Variants in LEMD2 observed in about 807,000 individuals in gnomAD.
LEMD2 encodes LEM domain nuclear envelope protein 2, also known as LEM domain-containing protein 2.
A neutral mutation model predicts 58.8 loss-of-function variants in LEMD2; 34 were observed. The ratio of observed to expected loss-of-function variants is 0.58; its 90% CI spans 0.44 to 0.77. LEMD2 has a LOEUF of 0.77. LEMD2 is among the 30% of genes least tolerant of loss of function. The probability of loss-of-function intolerance (pLI) is 0.00; values close to 1 mark genes in which losing one functional copy is unlikely to be tolerated. For synonymous variants in LEMD2, 298 were observed against 308.9 expected (o/e 0.96, Z 0.37); for missense variants, 629 against 717.9 (o/e 0.88, Z 1.42).
At chr6:33,773,054 G>A (rs771871858) in intron 8 of LEMD2, among the ~76,000 whole-genome samples, 20 of 152,222 alleles carry the variant, frequency 1.3e-4, no homozygotes, top group South Asian at 4.1e-4. Context: ...GGTGTGCAGG[G>A]CTGTGCTAGG....
chr6:33,788,819 T>G lies in LEMD2; in HGVS notation c.298A>C (p.Thr100Pro), dbSNP rs1404928806. ...CGGATATCACCGTAGGCCCCAGGGGTCGCGTAGGCCGAGCCCGAGGCCGGC... is the reference window on the plus strand; with the variant it reads ...CGGATATCACCGTAGGCCCCAGGGGGCGCGTAGGCCGAGCCCGAGGCCGGC... Reference protein sequence around the residue: ...SQPASGSAYATPGAYGDIRPS... With the variant: ...SQPASGSAYAPPGAYGDIRPS... The change falls in exon 1 of 9, where the codon ACC becomes CCC. Residue 100 changes from threonine to proline, a missense_variant. Coordinates refer to ENST00000293760, the MANE Select transcript of LEMD2 (RefSeq NM_181336.4). 1 of 1,434,916 alleles carries G rather than the reference T, an allele frequency of 7.0e-7. No homozygotes were observed. Among genetic ancestry groups the G allele is most frequent in the Non-Finnish European group, 9.1e-7 (1 of 1,095,654 alleles). 88.9% of individuals were successfully genotyped at this position (1,434,916 alleles called of 1,614,324 possible).
chr6:33,787,954 C>T (rs1330115312), intron 1 of LEMD2, among the ~76,000 whole-genome samples: 1 of 152,210 alleles, frequency 6.6e-6, no homozygotes, highest in Non-Finnish European at 1.5e-5. Flanking sequence ...CAACCAGATC[C>T]TATCTGTGGG....
chr6:33,780,046 C>T lies in LEMD2; in HGVS notation c.1010+54G>A, dbSNP rs190883853. On this transcript the variant is annotated intron_variant, in intron 5 of 8. Coordinates refer to ENST00000293760, the MANE Select transcript of LEMD2 (RefSeq NM_181336.4). ...TGGAGCACGGGTGTTAGCTGACGAG[C>T]GAGGACAGTGGTTGCAGGCACCCAT... 2.9e-5 allele frequency: 41 copies of T among 1,436,958 alleles called. No homozygotes were observed. The East Asian group carries it at 7.9e-4, about 28-fold the overall frequency. The allele number at this position is 1,436,958 out of a possible 1,614,324, so 89.0% of individuals were successfully genotyped here.
intron 1 of LEMD2, chr6:33,787,139 A>C: frequency 3.9e-6 from 1 of 255,098 alleles, no homozygotes; most frequent in Non-Finnish European, 7.6e-6. Context: ...GGAGTTTTGT[A>C]AACAATGATA....
chr6:33,775,368 T>G (rs1767404962), intron 8 of LEMD2, among the ~76,000 whole-genome samples: 2 of 152,200 alleles, frequency 1.3e-5, no homozygotes, highest in African/African-American at 4.8e-5. Flanking sequence ...TCCAGGCTGA[T>G]GTGCAGTGGC....
At chr6:33,774,035 G>A (rs1229867913) in intron 8 of LEMD2, among the ~76,000 whole-genome samples, 1 of 152,208 alleles carries the variant, frequency 6.6e-6, no homozygotes, top group Non-Finnish European at 1.5e-5. Flanking sequence ...CGAAGGCTTG[G>A]GTGGTAGCTC....
chr6:33,781,750 G>A (rs1023393500), intron 3 of LEMD2: 3 of 152,542 alleles, frequency 2.0e-5, no homozygotes, highest in African/African-American at 7.2e-5. Context: ...TCCAGCCCAG[G>A]GGCCATCTCC....
At chr6:33,786,647 C>T in intron 2 of LEMD2, 87 bp downstream of exon 2, 1 of 996,802 alleles carries the variant, frequency 1.0e-6, no homozygotes, top group South Asian at 1.4e-5. Flanking sequence ...TGAAAATGAT[C>T]CTATTCTTTT....
At chr6:33,780,994 A>C (rs923052017) in intron 4 of LEMD2, 83 bp downstream of exon 4, 1 of 954,378 alleles carries the variant, frequency 1.0e-6, no homozygotes, top group Non-Finnish European at 1.6e-6. Context: ...CAAACAAAAA[A>C]CAAAAACCCC....
intron 1 of LEMD2, 44 bp downstream of exon 1, chr6:33,788,337 A>C (rs1767731665): frequency 6.7e-7 from 1 of 1,503,080 alleles, no homozygotes; most frequent in African/African-American, 1.4e-5. Context: ...TCCGGCGGAC[A>C]CACGCGCGCC....
intron 8 of LEMD2, 182 bp downstream of exon 8, chr6:33,776,772 C>A (rs887118151): frequency 1.6e-6 from 1 of 621,548 alleles, no homozygotes; most frequent in African/African-American, 1.8e-5. Context: ...TCTAGCTCAT[C>A]CTGCCATAAA....
Position 33,786,756 on chromosome 6 carries a change from T to C in LEMD2, c.755A>G (p.Asp252Gly), listed in dbSNP as rs751172970. ...CACCTCATCTGTTTTTCTCTCACAG[T>C]CCACTGGCAATAACTTCACTGAGAC... ...AEDNMKLLPV[D>G]CERKTDEFCQ... The change falls in exon 2 of 9, where the codon GAC (aspartate) becomes GGC (glycine). Residue 252 changes from aspartate to glycine, a missense_variant. Physicochemically the swap from Asp to Gly is moderately conservative, Grantham distance 94. Around this residue, in one of 2 missense-constraint regions of LEMD2, gnomAD observed 243 missense variants for 336.8 expected, o/e 0.72. Coordinates refer to ENST00000293760, the MANE Select transcript of LEMD2 (RefSeq NM_181336.4). 3 of 1,613,818 alleles carry C rather than the reference T, an allele frequency of 1.9e-6. No homozygotes were observed. Among genetic ancestry groups the C allele is most frequent in the Non-Finnish European group, 2.5e-6 (3 of 1,179,868 alleles).
intron 4 of LEMD2, 96 bp downstream of exon 4, chr6:33,780,981 A>G: frequency 5.0e-6 from 4 of 799,214 alleles, no homozygotes; most frequent in Non-Finnish European, 8.2e-6. Context: ...AAAAGCCACA[A>G]AGCAAACAAA....
chr6:33,778,502 C>G lies in LEMD2; in HGVS notation c.1011-115G>C. ...AGTGGGGACGCAAGGCCTCTACTTG[C>G]TTATAGAATAGGCTTGGTATCCTGG... On this transcript the variant is annotated intron_variant, in intron 5 of 8. Transcript: ENST00000293760. This position sits in a 1 kb window ranked among gnomAD's most constrained non-coding sequence, Gnocchi z 4.7. 1.3e-6 allele frequency: 1 copy of G among 759,108 alleles called. No individual in the cohort carries two copies. 47.0% of individuals were successfully genotyped at this position (759,108 alleles called of 1,614,324 possible).
At chr6:33,784,040 C>A (rs1453933337) in intron 3 of LEMD2, among the ~76,000 whole-genome samples, 1 of 152,274 alleles carries the variant, frequency 6.6e-6, no homozygotes, top group Admixed American at 6.5e-5. Context: ...CCCATGCCAA[C>A]AGAGACCCCC....
Position 33,788,880 on chromosome 6 carries a change from G to C in LEMD2, c.237C>G (p.Ala79=). ...REDAPLRARP[A]AASPRAEPWL... ...AGGGCTCCGCCCGCGGAGAGGCCGC[G>C]GCGGGCCGGGCGCGCAGCGGCGCAT... The change falls in exon 1 of 9, where the codon GCC becomes GCG. Residue 79 remains alanine, a synonymous_variant. Coordinates refer to ENST00000293760, the MANE Select transcript of LEMD2 (RefSeq NM_181336.4). 7.3e-7 allele frequency: 1 copy of C among 1,374,902 alleles called. No individual in the cohort carries two copies. The highest frequency in any genetic ancestry group is 9.3e-7 in the Non-Finnish European group (1 of 1,072,998). The allele number at this position is 1,374,902 out of a possible 1,614,324, so 85.2% of individuals were successfully genotyped here. A position where few individuals can be genotyped will look rare whatever the true frequency, so the allele number is the denominator to read the frequency against.
At chr6:33,776,764 T>C in intron 8 of LEMD2, 190 bp downstream of exon 8, 1 of 616,404 alleles carries the variant, frequency 1.6e-6, no homozygotes, top group South Asian at 1.8e-5. Flanking sequence ...ATGTCTTTTC[T>C]AGCTCATCCT....
rs927744401 is a variant in LEMD2, at chr6:33,788,540, C to G, written c.577G>C (p.Ala193Pro). Residue 193 changes from alanine (A) to proline (P), a missense_variant, in exon 1 of 9, where the codon GCT (alanine) becomes CCT (proline). Transcript: ENST00000293760. ...TCAGGCCGGGCCCTCGCCGCGCCAG[C>G]AGGGCCCGCTCGAGTCGCCCGCAGG... ...PGLRATRAGP[A>P]GAARARPEVG... is the part of the protein sequence containing the mutation. 2 of 1,490,822 alleles carry G rather than the reference C, an allele frequency of 1.3e-6. No individual in the cohort carries two copies. Among genetic ancestry groups the G allele is most frequent in the Non-Finnish European group, 1.8e-6 (2 of 1,121,206 alleles). The allele number at this position is 1,490,822 out of a possible 1,614,324, so 92.3% of individuals were successfully genotyped here.
chr6:33,788,163 AAGGAGAAC>A (rs1229025563), intron 1 of LEMD2, among the ~76,000 whole-genome samples: 3 of 152,252 alleles, frequency 2.0e-5, no homozygotes, highest in Non-Finnish European at 4.4e-5. Flanking sequence ...TGGGGCAGAA[AAGGAGAAC>A]AGGAGAAAGT....
Sources: gnomAD v4.1 joint callset for allele counts (sites outside exome capture counted in the v4.1 genomes callset) on GRCh38, gnomAD v4.1.1 for gene constraint, gnomAD v4.1.1 regional missense constraint, Gnocchi (gnomAD v3.1) non-coding constraint, MANE v1.5 for transcripts, NCBI Gene and HGNC (gene_info 2026-07-23, HGNC 2026-07-21) for gene names.